MECOM: variants seen among roughly 807,000 people sequenced by gnomAD.
MECOM encodes MDS1 and EVI1 complex locus.
Under a neutral mutation model 116.3 loss-of-function variants are expected in MECOM, and 13 were observed. The observed-to-expected ratio is 0.11, with a 90% CI of 0.07 to 0.18. The LOEUF is 0.18. Ranked by LOEUF, MECOM falls within the 10% of genes least tolerant of loss-of-function variation. The pLI is 1.00. For missense variants in MECOM, 1,299 were observed against 1,509.0 expected, an observed-to-expected ratio of 0.86 and a Z score of 2.31; for synonymous variants, 528 against 535.2, an observed-to-expected ratio of 0.99 and a Z score of 0.19.
intron 1 of MECOM, among the ~76,000 whole-genome samples, chr3:169,416,315 C>A (rs578206595): frequency 9.2e-5 from 14 of 152,182 alleles, no homozygotes; most frequent in African/African-American, 3.1e-4. Flanking sequence ...TAAATAAGTT[C>A]TCTGAAACCA....
At chr3:169,165,002 T>C (rs956185913) in intron 2 of MECOM, among the ~76,000 whole-genome samples, 14 of 152,188 alleles carry the variant, frequency 9.2e-5, no homozygotes, top group Non-Finnish European at 1.6e-4. Flanking sequence ...TTTGTCTACA[T>C]AGTAGTCAAC....
chr3:169,482,043 T>C lies in MECOM; in HGVS notation c.38-100519A>G, dbSNP rs982903314. ...TGGAGGGAATATGCTATCTCTCTCC[T>C]TAAAAATTCAACTCTAACACTTCAT... On this transcript the variant is annotated intron_variant, in intron 1 of 16. Transcript: ENST00000651503. Among the ~76,000 whole-genome samples, 4 of 152,176 alleles carry C rather than the reference T, an allele frequency of 2.6e-5. No individual in the cohort carries two copies. The South Asian group carries it at 8.3e-4, about 32-fold the overall frequency.
chr3:169,112,914 C>T, intron 8 of MECOM, 40 bp from the exon 9 acceptor site: 1 of 1,396,402 alleles, frequency 7.2e-7, no homozygotes, highest in Middle Eastern at 2.2e-4. Context: ...GAAGCAGTCT[C>T]ACATATCAAT....
chr3:169,622,624 T>C (rs1170647199), intron 1 of MECOM, among the ~76,000 whole-genome samples: 2 of 152,248 alleles, frequency 1.3e-5, no homozygotes, highest in Admixed American at 6.5e-5. Flanking sequence ...ATATCACCTA[T>C]TCCTGAGACA....
At chr3:169,510,925 T>A (rs916691775) in intron 1 of MECOM, among the ~76,000 whole-genome samples, 1 of 152,124 alleles carries the variant, frequency 6.6e-6, no homozygotes, top group Non-Finnish European at 1.5e-5. Context: ...GGAAGAACAA[T>A]CATCACCCTT....
intron 6 of MECOM, 140 bp downstream of exon 6, chr3:169,122,440 C>T: frequency 1.1e-6 from 1 of 907,094 alleles, no homozygotes; most frequent in Non-Finnish European, 1.7e-6. Flanking sequence ...TGCCTTTTAG[C>T]ATACAACACT....
chr3:169,449,615 C>T (rs769979638), intron 1 of MECOM, among the ~76,000 whole-genome samples: 1 of 152,262 alleles, frequency 6.6e-6, no homozygotes, highest in East Asian at 1.9e-4. Context: ...CAAGCTAATA[C>T]AAATTTTCCC....
At chr3:169,204,581 T>C (rs1749653721) in intron 2 of MECOM, among the ~76,000 whole-genome samples, 1 of 152,214 alleles carries the variant, frequency 6.6e-6, no homozygotes, top group South Asian at 2.1e-4. Context: ...TAAACAGTAA[T>C]GCAAAAGAGT....
intron 1 of MECOM, among the ~76,000 whole-genome samples, chr3:169,545,067 G>T (rs563138050): frequency 1.3e-5 from 2 of 150,982 alleles, no homozygotes; most frequent in African/African-American, 5.0e-5. Context: ...TTAAAAAAAA[G>T]AAAATGGTAT....
intron 2 of MECOM, among the ~76,000 whole-genome samples, chr3:169,190,078 T>C (rs948177147): frequency 2.0e-5 from 3 of 152,026 alleles, no homozygotes; most frequent in Admixed American, 1.3e-4. Flanking sequence ...ATAAAAGAGA[T>C]AAATAATGAA....
Position 169,088,985 on chromosome 3 carries a change from T to C in MECOM, c.3585+15A>G. On this transcript the variant is annotated intron_variant, in intron 16 of 16. Coordinates refer to ENST00000651503, the MANE Select transcript of MECOM (RefSeq NM_004991.4). Reference sequence around the variant, plus strand: ...ATAATGTAACCATGATGCTGTACTATGGGAAAATCTGTACCTGCGATTTGG... The same window carrying C: ...ATAATGTAACCATGATGCTGTACTACGGGAAAATCTGTACCTGCGATTTGG... 6.4e-7 allele frequency: 1 copy of C among 1,561,832 alleles called. No individual in the cohort carries two copies. Among genetic ancestry groups the C allele is most frequent in the Non-Finnish European group, 8.6e-7 (1 of 1,157,834 alleles).
At chr3:169,522,570 T>C (rs752811018) in intron 1 of MECOM, among the ~76,000 whole-genome samples, 1 of 152,194 alleles carries the variant, frequency 6.6e-6, no homozygotes, top group Non-Finnish European at 1.5e-5. Flanking sequence ...CAGATCTCTC[T>C]AGACCCACTC....
In MECOM at chr3:169,322,849, T is replaced by C. The variant is rs187211001; in HGVS notation, c.375+58338A>G. Among the ~76,000 whole-genome samples the C allele has an allele frequency of 7.6e-4, 115 of 151,682 alleles. 3 individuals are homozygous for C. Among genetic ancestry groups the C allele is most frequent in the Admixed American group, 7.5e-3 (114 of 15,238 alleles). On this transcript the variant is annotated intron_variant, in intron 2 of 16. Coordinates refer to ENST00000651503, the MANE Select transcript of MECOM (RefSeq NM_004991.4). ...CCCATCTCTAATAAAAATACAAAAA[T>C]TAGCCAGCCATGTTGGCATACACCT...
At chr3:169,150,300 C>T (rs188191489) in intron 2 of MECOM, among the ~76,000 whole-genome samples, 2 of 152,288 alleles carry the variant, frequency 1.3e-5, no homozygotes, top group East Asian at 1.9e-4. Context: ...CCCCTGTTAG[C>T]TTGCTTTCCA....
chr3:169,279,729 C>G (rs1484820595), intron 2 of MECOM, among the ~76,000 whole-genome samples: 1 of 152,076 alleles, frequency 6.6e-6, no homozygotes, highest in Non-Finnish European at 1.5e-5. Context: ...AACATCTTGC[C>G]CAATATTCAA....
chr3:169,277,357 A>G (rs558400927), intron 2 of MECOM, among the ~76,000 whole-genome samples: 1 of 152,364 alleles, frequency 6.6e-6, no homozygotes, highest in East Asian at 1.9e-4. Context: ...AAAACTTAAG[A>G]GAGAAAAAAC....
chr3:169,395,543 T>G lies in MECOM; in HGVS notation c.38-14019A>C, dbSNP rs1031083943. On this transcript the variant is annotated intron_variant, in intron 1 of 16. Coordinates refer to ENST00000651503, the MANE Select transcript of MECOM (RefSeq NM_004991.4). ...CCAAATGCTCAAGATACTGATAGAT[T>G]AACAACCAAACACAGTCAATTCAGA... 2.6e-5 allele frequency among the ~76,000 whole-genome samples: 4 copies of G among 152,148 alleles called. No individual in the cohort carries two copies. The East Asian group carries it at 7.7e-4, about 29-fold the overall frequency.
chr3:169,627,666 A>G (rs1017470388), intron 1 of MECOM, among the ~76,000 whole-genome samples: 7 of 152,176 alleles, frequency 4.6e-5, no homozygotes, highest in Admixed American at 3.9e-4. Context: ...TTGAAGCTAA[A>G]CTCTTAGAAG....
intron 2 of MECOM, among the ~76,000 whole-genome samples, chr3:169,168,574 T>C (rs1171805926): frequency 6.6e-6 from 1 of 152,132 alleles, no homozygotes; most frequent in Non-Finnish European, 1.5e-5. Context: ...ACACTTCTTA[T>C]ACAGAATTAA....
Sources: allele counts gnomAD v4.1 joint callset (sites outside exome capture counted in the v4.1 genomes callset), GRCh38; gene constraint gnomAD v4.1.1; transcripts MANE v1.5; gene names NCBI Gene and HGNC (gene_info 2026-07-23, HGNC 2026-07-21).